Variants in OSBPL3 observed in about 807,000 individuals in gnomAD.
The protein encoded by OSBPL3 is oxysterol binding protein like 3.
Under a neutral mutation model 120.1 loss-of-function variants are expected in OSBPL3, and 65 were observed. The observed-to-expected ratio is 0.54, with a 90% CI of 0.44 to 0.67. The LOEUF (loss-of-function observed/expected upper bound fraction) is 0.67, where lower values mean the gene tolerates loss of function less well. Among genes scored for constraint, OSBPL3 ranks in the 30% least tolerant of loss-of-function variants. OSBPL3 has a pLI of 0.00. For synonymous variants in OSBPL3, 416 were observed against 402.6 expected, an observed-to-expected ratio of 1.03 and a Z score of -0.40; for missense variants, 1,004 against 1,082.1, an observed-to-expected ratio of 0.93 and a Z score of 1.01.
chr7:24,927,506 CT>C (rs1421115152), intron 1 of OSBPL3, among the ~76,000 whole-genome samples: 1 of 152,064 alleles, frequency 6.6e-6, no homozygotes, highest in Non-Finnish European at 1.5e-5. Flanking sequence ...ATTTTGGTGA[CT>C]AAAGAAGAAT....
At chr7:24,861,846 A>C in intron 9 of OSBPL3, 77 bp from the exon 10 acceptor site, 1 of 1,015,506 alleles carries the variant, frequency 9.8e-7, no homozygotes, top group Non-Finnish European at 1.4e-6. Flanking sequence ...TAAGATTGAA[A>C]CATGGTAATA....
In OSBPL3 at chr7:24,917,409, T is replaced by TGTGTAAC. The variant is rs879513146; in HGVS notation, c.-149-24789_-149-24788insGTTACAC. On this transcript the variant is annotated intron_variant, in intron 1 of 22. Transcript: ENST00000313367. ...TATATATATATTTGTAACATATATATATATATATATATATATATTTGTAAC... is the reference window on the plus strand; with the variant it reads ...TATATATATATTTGTAACATATATATGTGTAACATATATATATATATATATTTGTAAC... Among the ~76,000 whole-genome samples, 4 of 135,008 alleles carry TGTGTAAC rather than the reference T, an allele frequency of 3.0e-5. No individual in the cohort carries two copies. In the East Asian group the frequency reaches 8.3e-4, roughly 28 times the overall value. The allele number at this position is 135,008 out of a possible 152,430, so 88.6% of individuals were successfully genotyped here. A position where few individuals can be genotyped will look rare whatever the true frequency, so the allele number is the denominator to read the frequency against.
At chr7:24,935,172 A>G (rs1032000892) in intron 1 of OSBPL3, among the ~76,000 whole-genome samples, 2 of 152,186 alleles carry the variant, frequency 1.3e-5, no homozygotes, top group African/African-American at 4.8e-5. Flanking sequence ...AGGCTTTTTA[A>G]TTGAAGAAAT....
intron 12 of OSBPL3, among the ~76,000 whole-genome samples, chr7:24,843,923 AAGATGCTC>A (rs1223639382): frequency 7.2e-5 from 11 of 152,234 alleles, no homozygotes; most frequent in Admixed American, 6.5e-5. Flanking sequence ...CCTGCCACAA[AAGATGCTC>A]ATCATTTATT....
In OSBPL3 at chr7:24,979,937, G is replaced by C; in HGVS notation, c.-201C>G. The C allele has an allele frequency of 8.2e-6, 8 of 975,694 alleles. No homozygotes were observed. The highest frequency in any genetic ancestry group is 9.7e-6 in the Non-Finnish European group (8 of 825,308). 60.4% of individuals were successfully genotyped at this position (975,694 alleles called of 1,614,324 possible). A position where few individuals can be genotyped will look rare whatever the true frequency, so the allele number is the denominator to read the frequency against. On this transcript the variant is annotated 5_prime_UTR_variant, in exon 1 of 23. Coordinates refer to ENST00000313367, the MANE Select transcript of OSBPL3 (RefSeq NM_015550.4). ...CCCTAGTTCCCCGGGGCCGGGCTCCGGGGTTAGCGCACAGAACCGGGAGAA... is the reference window on the plus strand; with the variant it reads ...CCCTAGTTCCCCGGGGCCGGGCTCCCGGGTTAGCGCACAGAACCGGGAGAA...
upstream of OSBPL3, among the ~76,000 whole-genome samples, chr7:24,980,988 G>T (rs1458841778): frequency 6.6e-6 from 1 of 152,076 alleles, no homozygotes; most frequent in Non-Finnish European, 1.5e-5. Context: ...CAAATGTGTC[G>T]AGTGCCGCAG....
rs1792825008 is a variant in OSBPL3 at position 24,804,796 on chromosome 7, C to T, written c.2445-359G>A. ...ATGTGTATATAAACAAATATTAACA[C>T]ATATTCTTATCCCTCCCTCCGTTTA... On this transcript the variant is annotated intron_variant, in intron 21 of 22. Coordinates refer to ENST00000313367, the MANE Select transcript of OSBPL3 (RefSeq NM_015550.4). This position sits in a 1 kb window ranked among gnomAD's most constrained non-coding sequence, Gnocchi z 5.4. Among the ~76,000 whole-genome samples, 11 of 152,160 alleles carry T rather than the reference C, an allele frequency of 7.2e-5. No individual in the cohort carries two copies. The highest frequency in any genetic ancestry group is 7.2e-4 in the Admixed American group (11 of 15,282).
intron 2 of OSBPL3, among the ~76,000 whole-genome samples, chr7:24,888,833 G>T (rs768909225): frequency 2.6e-5 from 4 of 152,158 alleles, no homozygotes; most frequent in Admixed American, 6.5e-5. Flanking sequence ...TTCAGCTCCA[G>T]AAAGTGAAAG....
chr7:24,825,001 T>TGGGGTAAGTAGGAGAAGTGTCTG (rs1562780500), intron 16 of OSBPL3, among the ~76,000 whole-genome samples: 1 of 151,466 alleles, frequency 6.6e-6, no homozygotes, highest in African/African-American at 2.4e-5. Flanking sequence ...AATGAGGAGG[T>TGGGGTAAGTAGGAGAAGTGTCTG]GGGGTAAGTA....
intron 1 of OSBPL3, among the ~76,000 whole-genome samples, chr7:24,963,690 G>A (rs901265683): frequency 6.6e-6 from 1 of 152,190 alleles, no homozygotes; most frequent in Non-Finnish European, 1.5e-5. Context: ...CCTAGCCTGG[G>A]ATTTGCTACC....
chr7:24,961,762 G>C (rs1162805277), intron 1 of OSBPL3, among the ~76,000 whole-genome samples: 1 of 152,156 alleles, frequency 6.6e-6, no homozygotes, highest in South Asian at 2.1e-4. Context: ...GGCGCACCAA[G>C]GACTGGCAGT....
intron 1 of OSBPL3, among the ~76,000 whole-genome samples, chr7:24,969,102 A>G (rs1816718302): frequency 6.6e-6 from 1 of 152,258 alleles, no homozygotes. Context: ...GGACCGATTT[A>G]CATTTCCATC....
At position 24,835,904 on chromosome 7, in the gene OSBPL3, A is replaced by G. The variant is rs1303606252; in HGVS notation, c.1496-1168T>C. 1.4e-4 allele frequency among the ~76,000 whole-genome samples: 22 copies of G among 152,082 alleles called. No homozygotes were observed. Among genetic ancestry groups the G allele is most frequent in the Non-Finnish European group, 1.5e-5 (1 of 67,994 alleles). The stretch of plus-strand genomic sequence containing the variant: ...AAGGGAACCATAGACACCAGGGCCT[A>G]CTGGAATGTGGAGAGTGGGTGGAGG... On this transcript the variant is annotated intron_variant, in intron 14 of 22. Coordinates refer to ENST00000313367, the MANE Select transcript of OSBPL3 (RefSeq NM_015550.4). This position sits in a 1 kb window ranked among gnomAD's most constrained non-coding sequence, Gnocchi z 4.8.
intron 20 of OSBPL3, among the ~76,000 whole-genome samples, chr7:24,807,888 C>A (rs114229823): frequency 0.01 from 1,536 of 152,212 alleles, 29 homozygotes; most frequent in African/African-American, 0.035. Flanking sequence ...GCCAGTAACT[C>A]TTCTGCAGAC....
At chr7:24,897,878 C>T (rs1224166058) in intron 1 of OSBPL3, among the ~76,000 whole-genome samples, 1 of 152,210 alleles carries the variant, frequency 6.6e-6, no homozygotes, top group African/African-American at 2.4e-5. Context: ...TGGGGGTCTG[C>T]ACTCAGACAC....
intron 1 of OSBPL3, among the ~76,000 whole-genome samples, chr7:24,944,438 C>T (rs1033660391): frequency 2.6e-5 from 4 of 152,044 alleles, no homozygotes; most frequent in African/African-American, 9.7e-5. Context: ...ACCATCCTAA[C>T]CAACATGGCG....
rs1278488181 is a variant in OSBPL3 at position 24,804,744 on chromosome 7, T to C, written c.2445-307A>G. Among the ~76,000 whole-genome samples, 2 of 152,240 alleles carry C rather than the reference T, an allele frequency of 1.3e-5. No homozygotes were observed. Among genetic ancestry groups the C allele is most frequent in the African/African-American group, 4.8e-5 (2 of 41,460 alleles). On this transcript the variant is annotated intron_variant, in intron 21 of 22. Transcript: ENST00000313367. This position sits in a 1 kb window ranked among gnomAD's most constrained non-coding sequence, Gnocchi z 5.4. ...CCCTAGAAAACCCACTTTATTAGTT[T>C]CCTCTGCATCCTTCTAGAGATTCTT...
intron 16 of OSBPL3, among the ~76,000 whole-genome samples, chr7:24,826,117 T>C (rs1030536627): frequency 6.6e-6 from 1 of 152,214 alleles, no homozygotes; most frequent in African/African-American, 2.4e-5. Flanking sequence ...AACCAGTGTG[T>C]TAGCTCTGCC....
Position 24,827,452 on chromosome 7 carries a change from A to G in OSBPL3, c.1884+3316T>C, listed in dbSNP as rs115413640. 7.3e-3 allele frequency among the ~76,000 whole-genome samples: 1,119 copies of G among 152,352 alleles called. 19 individuals carry two copies. Among genetic ancestry groups the G allele is most frequent in the African/African-American group, 0.026 (1,071 of 41,588 alleles). On this transcript the variant is annotated intron_variant, in intron 16 of 22. Transcript: ENST00000313367. This position sits in a 1 kb window ranked among gnomAD's most constrained non-coding sequence, Gnocchi z 5.1. Reference sequence around the variant, plus strand: ...CTGGCCCTACACCCTTCCCACTTCTAGGGCAGAGGACTGCCTGGTGTACTG... The same window carrying G: ...CTGGCCCTACACCCTTCCCACTTCTGGGGCAGAGGACTGCCTGGTGTACTG...
Sources: gnomAD v4.1 joint callset for allele counts (sites outside exome capture counted in the v4.1 genomes callset) on GRCh38, gnomAD v4.1.1 for gene constraint, Gnocchi (gnomAD v3.1) non-coding constraint, MANE v1.5 for transcripts, NCBI Gene and HGNC (gene_info 2026-07-23, HGNC 2026-07-21) for gene names.